COG6: variants seen among roughly 807,000 people sequenced by gnomAD.
COG6 encodes component of oligomeric golgi complex 6, also known as conserved oligomeric Golgi complex subunit 6.
A neutral mutation model predicts 88.8 loss-of-function variants in COG6; 74 were observed. The observed-to-expected ratio is 0.83, with a 90% CI of 0.69 to 1.01. The LOEUF is 1.01. Among genes scored for constraint, COG6 ranks in the 50% least tolerant of loss-of-function variants. The probability of loss-of-function intolerance (pLI) is 0.00; values close to 1 mark genes in which losing one functional copy is unlikely to be tolerated. For synonymous variants in COG6, 286 were observed against 278.7 expected (o/e 1.03, Z -0.26); for missense variants, 800 against 797.9 (o/e 1.00, Z -0.03).
rs1203671335 is a variant in COG6 at position 39,684,243 on chromosome 13, A to ATTTTTT, written c.788+1999_788+2004dup. On this transcript the variant is annotated intron_variant, in intron 8 of 18. Transcript: ENST00000455146. ...GGGGGCAGTAATGGCAATTTGGAAG[A>ATTTTTT]TTTTTTTTTTTTTTTTTTTTTTTTT... 1.4e-3 allele frequency among the ~76,000 whole-genome samples: 94 copies of ATTTTTT among 67,378 alleles called. 19 individuals are homozygous for ATTTTTT. Among genetic ancestry groups the ATTTTTT allele is most frequent in the African/African-American group, 4.5e-3 (67 of 14,946 alleles). 44.2% of individuals were successfully genotyped at this position (67,378 alleles called of 152,430 possible).
At chr13:39,764,222 A>G (rs1480475724) in intron 18 of COG6, among the ~76,000 whole-genome samples, 1 of 151,850 alleles carries the variant, frequency 6.6e-6, no homozygotes, top group African/African-American at 2.4e-5. Flanking sequence ...TGTAGACCTA[A>G]TATTGGTAAT....
At chr13:39,661,015 A>G (rs1490351415) in intron 3 of COG6, 134 bp downstream of exon 3, 2 of 652,578 alleles carry the variant, frequency 3.1e-6, no homozygotes, top group Non-Finnish European at 5.4e-6. Flanking sequence ...CTTATTTTTA[A>G]AAATTGTAGC....
At chr13:39,725,664 A>G (rs767149960) in intron 17 of COG6, among the ~76,000 whole-genome samples, 10 of 143,604 alleles carry the variant, frequency 7.0e-5, no homozygotes, top group Admixed American at 1.5e-4. Flanking sequence ...AAGACACTAT[A>G]TAGAAGCAAC....
chr13:39,769,036 A>T (rs1426251517), intron 18 of COG6, among the ~76,000 whole-genome samples: 3 of 152,154 alleles, frequency 2.0e-5, no homozygotes. Flanking sequence ...TAATGTTAAG[A>T]TTCATCTCTG....
intron 18 of COG6, among the ~76,000 whole-genome samples, chr13:39,742,612 T>C (rs574515309): frequency 3.3e-5 from 5 of 152,158 alleles, no homozygotes; most frequent in Non-Finnish European, 5.9e-5. Flanking sequence ...AGCAAGTCCT[T>C]AGAGACCTAC....
rs1302487417 is a variant in COG6 at position 39,727,520 on chromosome 13, C to G, written c.1798C>G (p.Leu600Val). Residue 600 changes from leucine (L) to valine (V), a missense_variant, in exon 18 of 19, where the codon CTG (leucine) becomes GTG (valine). Physicochemically the swap from Leu to Val is conservative, Grantham distance 32. Transcript: ENST00000455146. ...SAPDNLLIPQ[L>V]NFLLSATVKE... is the part of the protein sequence containing the mutation. The stretch of plus-strand genomic sequence containing the variant: ...CCCAGACAACCTATTGATACCACAG[C>G]TGAACTTTCTTCTAAGTGCCACAGT... 3.1e-6 allele frequency: 5 copies of G among 1,613,234 alleles called. No individual in the cohort carries two copies. The highest frequency in any genetic ancestry group is 4.2e-6 in the Non-Finnish European group (5 of 1,179,338).
intron 1 of COG6, 39 bp downstream of exon 1, chr13:39,655,918 C>A (rs781148230): frequency 1.9e-6 from 3 of 1,584,302 alleles, no homozygotes; most frequent in Non-Finnish European, 2.6e-6. Flanking sequence ...CAGGTTCCTG[C>A]GGGGCTGAGC....
intron 18 of COG6, among the ~76,000 whole-genome samples, chr13:39,757,996 C>G (rs1880893759): frequency 6.6e-6 from 1 of 151,284 alleles, no homozygotes; most frequent in Non-Finnish European, 1.5e-5. Context: ...CCGAGGCAGG[C>G]AGATCATGAA....
intron 18 of COG6, among the ~76,000 whole-genome samples, chr13:39,741,442 C>T (rs1159387604): frequency 2.0e-5 from 3 of 151,968 alleles, no homozygotes; most frequent in Non-Finnish European, 4.4e-5. Context: ...AACCATGGCA[C>T]GAGAACTATG....
chr13:39,729,457 T>A (rs931547069), intron 18 of COG6, among the ~76,000 whole-genome samples: 2 of 152,146 alleles, frequency 1.3e-5, no homozygotes, highest in African/African-American at 4.8e-5. Flanking sequence ...TAAGTTGAAA[T>A]ATAAACAATA....
At chr13:39,710,341 AC>A (rs1189850857) in intron 13 of COG6, among the ~76,000 whole-genome samples, 5 of 152,062 alleles carry the variant, frequency 3.3e-5, no homozygotes, top group Admixed American at 6.6e-5. Flanking sequence ...GTTTCCACAT[AC>A]CTTTAAGGCA....
In COG6 at chr13:39,665,142, T is replaced by C; in HGVS notation, c.416T>C (p.Leu139Pro). 1 of 1,537,028 alleles carries C rather than the reference T, an allele frequency of 6.5e-7. No individual in the cohort carries two copies. Among genetic ancestry groups the C allele is most frequent in the Non-Finnish European group, 9.0e-7 (1 of 1,110,818 alleles). Residue 139 changes from leucine to proline, a missense_variant, in exon 4 of 19, where the codon CTT (leucine) becomes CCT (proline). Coordinates refer to ENST00000455146, the MANE Select transcript of COG6 (RefSeq NM_020751.3). The stretch of plus-strand genomic sequence containing the variant: ...GATTTAATAGTAAAAACCACTAAGC[T>C]TCAATCTGAAAGGTAAGTTTTTCTT... ...TQDLIVKTTK[L>P]QSESQKLEIR... is the part of the protein sequence containing the mutation.
chr13:39,746,264 A>G (rs947724582), intron 18 of COG6, among the ~76,000 whole-genome samples: 1 of 151,828 alleles, frequency 6.6e-6, no homozygotes, highest in South Asian at 2.1e-4. Context: ...CCCCCTTTCA[A>G]CTGGTCTTTT....
chr13:39,758,388 T>C (rs1880912993), intron 18 of COG6, among the ~76,000 whole-genome samples: 1 of 152,100 alleles, frequency 6.6e-6, no homozygotes, highest in Non-Finnish European at 1.5e-5. Flanking sequence ...AAGTTCTTCC[T>C]TGAAAAACAA....
chr13:39,755,756 T>C (rs1880814549), downstream of COG6, among the ~76,000 whole-genome samples: 1 of 152,172 alleles, frequency 6.6e-6, no homozygotes, highest in Non-Finnish European at 1.5e-5. Flanking sequence ...CCAAGACATG[T>C]CCCAACAGAC....
chr13:39,709,609 G>A (rs1878128117), intron 13 of COG6, among the ~76,000 whole-genome samples: 1 of 152,090 alleles, frequency 6.6e-6, no homozygotes, highest in Non-Finnish European at 1.5e-5. Context: ...CAAAAGAAAT[G>A]ATTTCATTCT....
intron 4 of COG6, among the ~76,000 whole-genome samples, chr13:39,666,341 C>T (rs1443609020): frequency 6.6e-6 from 1 of 152,148 alleles, no homozygotes; most frequent in Non-Finnish European, 1.5e-5. Context: ...TTCAAGGTTG[C>T]AGTGGGCTAT....
intron 8 of COG6, among the ~76,000 whole-genome samples, chr13:39,685,514 G>C (rs1449511280): frequency 6.6e-6 from 1 of 152,124 alleles, no homozygotes; most frequent in African/African-American, 2.4e-5. Context: ...TGGATTTTAA[G>C]ATTCACTGGA....
chr13:39,730,706 G>A (rs1046110453), intron 18 of COG6, among the ~76,000 whole-genome samples: 2 of 140,372 alleles, frequency 1.4e-5, no homozygotes, highest in Admixed American at 1.5e-4. Context: ...CCCGGGAGGT[G>A]GAGGTTGCAG....
Sources: gnomAD v4.1 joint callset for allele counts (sites outside exome capture counted in the v4.1 genomes callset) on GRCh38, gnomAD v4.1.1 for gene constraint, MANE v1.5 for transcripts, NCBI Gene and HGNC (gene_info 2026-07-23, HGNC 2026-07-21) for gene names.